Variants in COL28A1 observed in about 807,000 individuals in gnomAD.
The protein encoded by COL28A1 is collagen type XXVIII alpha 1 chain.
A neutral mutation model predicts 150.2 loss-of-function variants in COL28A1; 161 were observed. The observed-to-expected ratio is 1.07, with a 90% CI of 0.94 to 1.22. The LOEUF (loss-of-function observed/expected upper bound fraction) is 1.22, where lower values mean the gene tolerates loss of function less well. Among genes scored for constraint, COL28A1 ranks in the 50% most tolerant of loss-of-function variants. The pLI is 0.00. For missense variants in COL28A1, 1,617 were observed against 1,388.3 expected (o/e 1.16, Z -2.62); for synonymous variants, 552 against 469.7 (o/e 1.18, Z -2.26).
At position 7,473,465 on chromosome 7, in the gene COL28A1, G is replaced by C. The variant is rs574447284; in HGVS notation, c.1302+1136C>G. Among the ~76,000 whole-genome samples, 7 of 152,200 alleles carry C rather than the reference G, an allele frequency of 4.6e-5. No individual in the cohort carries two copies. In the South Asian group the frequency reaches 1.0e-3, roughly 23 times the overall value. ...CAACATCACTAACGATCAGAGAAAT[G>C]CAAATCAAAACCACAATGTGATACC... On this transcript the variant is annotated intron_variant, in intron 15 of 34. Transcript: ENST00000399429.
intron 10 of COL28A1, 26 bp downstream of exon 10, chr7:7,507,091 C>G (rs753326005): frequency 3.0e-6 from 3 of 1,016,066 alleles, no homozygotes; most frequent in Non-Finnish European, 3.1e-6. Context: ...CTAATTCAAA[C>G]TTAGATTTGG....
intron 25 of COL28A1, among the ~76,000 whole-genome samples, chr7:7,423,516 C>T (rs1318403582): frequency 1.3e-5 from 2 of 152,006 alleles, no homozygotes; most frequent in South Asian, 4.1e-4. Context: ...TTAGAATTTA[C>T]ATCTGTCGTG....
At chr7:7,430,404 G>C (rs1024022803) in intron 25 of COL28A1, among the ~76,000 whole-genome samples, 5 of 152,138 alleles carry the variant, frequency 3.3e-5, no homozygotes, top group Non-Finnish European at 5.9e-5. Context: ...TGGAATTACA[G>C]GCATGAGCCA....
chr7:7,489,082 A>G (rs933715902), intron 13 of COL28A1, among the ~76,000 whole-genome samples: 1 of 152,138 alleles, frequency 6.6e-6, no homozygotes, highest in African/African-American at 2.4e-5. Context: ...AGCCTGGCCA[A>G]CATGGCAAAA....
chr7:7,432,369 A>G, intron 25 of COL28A1, 104 bp downstream of exon 25: 1 of 791,758 alleles, frequency 1.3e-6, no homozygotes, highest in Admixed American at 2.5e-5. Flanking sequence ...ATTATTTCAG[A>G]CACCTCTACT....
At chr7:7,537,652 C>T (rs566872728), upstream of COL28A1, among the ~76,000 whole-genome samples, 4 of 152,260 alleles carry the variant, frequency 2.6e-5, no homozygotes, top group African/African-American at 4.8e-5. Flanking sequence ...TCTATGCGAA[C>T]GTCTGTGTTT....
chr7:7,386,864 T>A (rs1782215599), intron 27 of COL28A1, among the ~76,000 whole-genome samples: 1 of 152,156 alleles, frequency 6.6e-6, no homozygotes, highest in South Asian at 2.1e-4. Flanking sequence ...CAACAGCAGA[T>A]TATCTCTCAC....
At chr7:7,347,484 C>G in the COL28A1 span, among the ~76,000 whole-genome samples, 12 of 152,218 alleles carry the variant, frequency 7.9e-5, no homozygotes, top group Admixed American at 2.6e-4. Flanking sequence ...AGCAGTTCCT[C>G]TCTCTTCTGG....
intron 27 of COL28A1, among the ~76,000 whole-genome samples, chr7:7,411,210 C>T (rs2128304071): frequency 6.6e-6 from 1 of 152,306 alleles, no homozygotes; most frequent in South Asian, 2.1e-4. Context: ...AACACAGTTA[C>T]TGTGGCACAA....
chr7:7,390,601 G>A (rs183343306), intron 27 of COL28A1, among the ~76,000 whole-genome samples: 8 of 152,170 alleles, frequency 5.3e-5, no homozygotes, highest in African/African-American at 9.6e-5. Flanking sequence ...GTTAGAATTC[G>A]GCTGTGAATC....
At chr7:7,387,438 A>G (rs2128292427) in intron 27 of COL28A1, among the ~76,000 whole-genome samples, 1 of 152,322 alleles carries the variant, frequency 6.6e-6, no homozygotes, top group South Asian at 2.1e-4. Flanking sequence ...TAGATTAAAT[A>G]GTATTATATC....
At chr7:7,425,635 T>A (rs73334105) in intron 25 of COL28A1, among the ~76,000 whole-genome samples, 5,987 of 152,310 alleles carry the variant, frequency 0.039, 375 homozygotes, top group African/African-American at 0.14. Flanking sequence ...ACAATGTGTG[T>A]GATTTGGCAG....
At chr7:7,414,434 G>T (rs6977488) in intron 27 of COL28A1, among the ~76,000 whole-genome samples, 2,648 of 152,318 alleles carry the variant, frequency 0.017, 86 homozygotes, top group African/African-American at 0.06. Flanking sequence ...CCAAGGCCCT[G>T]AAGGAGCTGG....
intron 27 of COL28A1, among the ~76,000 whole-genome samples, chr7:7,390,883 T>G (rs1782501795): frequency 1.3e-5 from 2 of 152,178 alleles, no homozygotes; most frequent in Admixed American, 6.5e-5. Flanking sequence ...CTTCTCTCTT[T>G]TATTGGTCCA....
At position 7,453,483 on chromosome 7, in the gene COL28A1, G is replaced by C. The variant is rs201544798; in HGVS notation, c.1397C>G (p.Pro466Arg). ...CTGTCCTGCGGGCCCTTGTGGACCA[G>C]GTGGACCAATAGGACCTTGGATTCC... ...EQGIQGPIGPPGPQGPAGQGL... is the reference protein window; with the variant it reads ...EQGIQGPIGPRGPQGPAGQGL... Residue 466 changes from proline (P) to arginine (R), a missense_variant, in exon 17 of 35, where the codon CCT (proline) becomes CGT (arginine). Physicochemically the swap from Pro to Arg is moderately radical, Grantham distance 103 (BLOSUM62 -2). Coordinates refer to ENST00000399429, the MANE Select transcript of COL28A1 (RefSeq NM_001037763.3). 1,000 of 1,259,440 alleles carry C rather than the reference G, an allele frequency of 7.9e-4. 2 individuals carry two copies. The highest frequency in any genetic ancestry group is 1.1e-3 in the Non-Finnish European group (972 of 860,644). The allele number at this position is 1,259,440 out of a possible 1,614,324, so 78.0% of individuals were successfully genotyped here.
At chr7:7,429,517 G>A (rs1374517456) in intron 25 of COL28A1, among the ~76,000 whole-genome samples, 2 of 150,964 alleles carry the variant, frequency 1.3e-5, no homozygotes, top group Non-Finnish European at 2.9e-5. Context: ...GTTTCCAGAA[G>A]TTTTCTTCAG....
intron 13 of COL28A1, among the ~76,000 whole-genome samples, chr7:7,482,022 G>A (rs1216165993): frequency 6.6e-6 from 1 of 151,900 alleles, no homozygotes; most frequent in Non-Finnish European, 1.5e-5. Context: ...ACATAAAGAT[G>A]ACAGATGACA....
intron 3 of COL28A1, among the ~76,000 whole-genome samples, chr7:7,528,679 A>G (rs903337247): frequency 1.1e-4 from 16 of 152,246 alleles, no homozygotes; most frequent in African/African-American, 3.9e-4. Flanking sequence ...ATAAAATTCT[A>G]GAAAGTATAC....
chr7:7,361,895 C>T (rs1376286092), intron 33 of COL28A1, among the ~76,000 whole-genome samples: 2 of 152,114 alleles, frequency 1.3e-5, no homozygotes, highest in African/African-American at 4.8e-5. Flanking sequence ...ATGGGTGAAG[C>T]TAGAAACCAT....
Sources: allele counts gnomAD v4.1 joint callset (sites outside exome capture counted in the v4.1 genomes callset), GRCh38; gene constraint gnomAD v4.1.1; transcripts MANE v1.5; gene names NCBI Gene and HGNC (gene_info 2026-07-23, HGNC 2026-07-21).